Variants in GUCY1A2 observed in about 807,000 individuals in gnomAD.
The protein encoded by GUCY1A2 is guanylate cyclase 1 soluble subunit alpha 2, also known as guanylate cyclase soluble subunit alpha-2.
GUCY1A2 carries 27 observed loss-of-function variants against 63.5 expected under a neutral mutation model. The observed-to-expected ratio is 0.43, with a 90% confidence interval of 0.31 to 0.59. The LOEUF (loss-of-function observed/expected upper bound fraction) is 0.59, where lower values mean the gene tolerates loss of function less well. Among genes scored for constraint, GUCY1A2 ranks in the 20% least tolerant of loss-of-function variants. GUCY1A2 has a pLI of 0.11. For synonymous variants in GUCY1A2, 364 were observed against 343.5 expected, an observed-to-expected ratio of 1.06 and a Z score of -0.66; for missense variants, 768 against 913.3, an observed-to-expected ratio of 0.84 and a Z score of 2.05.
chr11:106,894,207 G>C (rs1439279399), intron 4 of GUCY1A2, among the ~76,000 whole-genome samples: 3 of 152,128 alleles, frequency 2.0e-5, no homozygotes, highest in Non-Finnish European at 4.4e-5. Context: ...GGGATGAAGA[G>C]GGTCATTACA....
intron 1 of GUCY1A2, among the ~76,000 whole-genome samples, chr11:106,991,153 CT>C (rs57771903): frequency 0.16 from 22,841 of 146,752 alleles, 2,052 homozygotes; most frequent in South Asian, 0.26. Flanking sequence ...CCATGCCCGG[CT>C]TTTTTTTTTT....
chr11:106,747,896 A>G (rs1863817875), intron 6 of GUCY1A2, among the ~76,000 whole-genome samples: 1 of 152,140 alleles, frequency 6.6e-6, no homozygotes, highest in South Asian at 2.1e-4. Context: ...TTACTTGTTC[A>G]CTTACTCTTT....
Position 106,683,060 on chromosome 11 carries a change from A to G in GUCY1A2, c.*4489T>C, listed in dbSNP as rs1862458154. On this transcript the variant is annotated 3_prime_UTR_variant, in exon 8 of 8. Transcript: ENST00000526355. ...AATTTTGTTCAATCACATGAACACA[A>G]TTTATGTGTATGTTAAACCAGCTGG... 1 of 217,656 alleles carries G rather than the reference A, an allele frequency of 4.6e-6. No homozygotes were observed. Among genetic ancestry groups the G allele is most frequent in the African/African-American group, 2.2e-5 (1 of 44,480 alleles). The allele number at this position is 217,656 out of a possible 1,614,324, so 13.5% of individuals were successfully genotyped here.
chr11:106,908,692 T>C (rs911751982), intron 4 of GUCY1A2, among the ~76,000 whole-genome samples: 1 of 151,952 alleles, frequency 6.6e-6, no homozygotes, highest in African/African-American at 2.4e-5. Context: ...CTTTTTGTAA[T>C]AAAATAAAAG....
chr11:106,862,099 T>G (rs576733006), intron 4 of GUCY1A2, among the ~76,000 whole-genome samples: 1 of 152,158 alleles, frequency 6.6e-6, no homozygotes, highest in Admixed American at 6.6e-5. Flanking sequence ...ATGCAACACA[T>G]AGCATCTATT....
At chr11:106,779,512 T>G (rs1053031068) in intron 5 of GUCY1A2, among the ~76,000 whole-genome samples, 1 of 152,202 alleles carries the variant, frequency 6.6e-6, no homozygotes, top group African/African-American at 2.4e-5. Flanking sequence ...GGTAGTCAGA[T>G]ATCAGAACAT....
At chr11:106,806,524 T>A (rs1361137881) in intron 5 of GUCY1A2, among the ~76,000 whole-genome samples, 1 of 152,210 alleles carries the variant, frequency 6.6e-6, no homozygotes, top group Non-Finnish European at 1.5e-5. Context: ...CCATTATTAT[T>A]GTTACTATTT....
Position 106,687,289 on chromosome 11 carries a change from T to A in GUCY1A2, c.*260A>T, listed in dbSNP as rs1862542620. Reference sequence around the variant, plus strand: ...GTTAGTTCTGAAAGGGGACCCACACTTGTAATTAAAATATATGTGTATATA... The same window carrying A: ...GTTAGTTCTGAAAGGGGACCCACACATGTAATTAAAATATATGTGTATATA... On this transcript the variant is annotated 3_prime_UTR_variant, in exon 8 of 8. Transcript: ENST00000526355. 1 of 395,350 alleles carries A rather than the reference T, an allele frequency of 2.5e-6. No individual in the cohort carries two copies. The highest frequency in any genetic ancestry group is 4.5e-6 in the Non-Finnish European group (1 of 220,432). The allele number at this position is 395,350 out of a possible 1,614,324, so 24.5% of individuals were successfully genotyped here.
intron 3 of GUCY1A2, among the ~76,000 whole-genome samples, chr11:106,973,225 T>A (rs1334067327): frequency 1.3e-5 from 2 of 152,118 alleles, no homozygotes; most frequent in Non-Finnish European, 2.9e-5. Flanking sequence ...ACACAGCCTT[T>A]TTGCAGGTTT....
At position 106,850,986 on chromosome 11, in the gene GUCY1A2, C is replaced by T. The variant is rs988283341; in HGVS notation, c.1207-40508G>A. 1.3e-5 allele frequency among the ~76,000 whole-genome samples: 2 copies of T among 151,896 alleles called. 1 individual carries two copies. Among genetic ancestry groups the T allele is most frequent in the Non-Finnish European group, 2.9e-5 (2 of 67,864 alleles). On this transcript the variant is annotated intron_variant, in intron 4 of 7. Transcript: ENST00000526355. ...GTGTATAGGAGTTTCCTTTTCTCTG[C>T]ATCTTTGCCAGCATTTGTTATTTTT...
intron 4 of GUCY1A2, among the ~76,000 whole-genome samples, chr11:106,893,421 C>A (rs766407464): frequency 4.0e-5 from 6 of 151,552 alleles, no homozygotes; most frequent in Non-Finnish European, 8.8e-5. Flanking sequence ...AATAAATAAT[C>A]CAATAAATTC....
At position 106,913,297 on chromosome 11, in the gene GUCY1A2, C is replaced by T. The variant is rs930283304; in HGVS notation, c.1206+26163G>A. On this transcript the variant is annotated intron_variant, in intron 4 of 7. Coordinates refer to ENST00000526355, the MANE Select transcript of GUCY1A2 (RefSeq NM_000855.3). ...TTGGCTCATGATTGTGCAAGCTGTA[C>T]ACAAAGCATGGCACCAGCATCAGCA... is the stretch of plus-strand genomic sequence containing the variant. 2.0e-5 allele frequency among the ~76,000 whole-genome samples: 3 copies of T among 152,106 alleles called. No individual in the cohort carries two copies. In the East Asian group the frequency reaches 5.8e-4, roughly 29 times the overall value.
At position 106,939,764 on chromosome 11, in the gene GUCY1A2, A is replaced by G. The variant is rs1186725605; in HGVS notation, c.902T>C (p.Ile301Thr). 8 of 1,613,906 alleles carry G rather than the reference A, an allele frequency of 5.0e-6. No individual in the cohort carries two copies. Among genetic ancestry groups the G allele is most frequent in the Middle Eastern group, 1.6e-4 (1 of 6,084 alleles). ...FLIKECENTN[I>T]MKNLPQGTSQ... ...GGTTCCCTGTGGAAGGTTCTTCATG[A>G]TATTAGTATTTTCACATTCTTTGAT... The change falls in exon 4 of 8, where the codon ATC (isoleucine) becomes ACC (threonine). Residue 301 changes from isoleucine (I) to threonine (T), a missense_variant. By Grantham distance (89) the Ile-to-Thr change is moderately conservative (BLOSUM62 -1). This residue lies in a region of GUCY1A2 where 496 missense variants were observed against 486.9 expected (regional missense o/e 1.02). Transcript: ENST00000526355.
intron 4 of GUCY1A2, among the ~76,000 whole-genome samples, chr11:106,879,113 T>A (rs1427761560): frequency 8.1e-6 from 1 of 123,650 alleles, no homozygotes. Flanking sequence ...CAGAACAGTC[T>A]TTTTTAGTGC....
At chr11:106,968,424 CA>C (rs1398150973) in intron 3 of GUCY1A2, among the ~76,000 whole-genome samples, 1 of 152,024 alleles carries the variant, frequency 6.6e-6, no homozygotes, top group Non-Finnish European at 1.5e-5. Context: ...GTATAAATAT[CA>C]AAATTAAAAT....
intron 3 of GUCY1A2, among the ~76,000 whole-genome samples, chr11:106,941,364 A>G (rs1455603): frequency 6.6e-6 from 1 of 152,044 alleles, no homozygotes; most frequent in South Asian, 2.1e-4. Context: ...TGAGGATGAT[A>G]TGAGGAAAAA....
intron 4 of GUCY1A2, among the ~76,000 whole-genome samples, chr11:106,881,666 C>A (rs1046523355): frequency 1.3e-4 from 20 of 151,836 alleles, no homozygotes; most frequent in African/African-American, 4.8e-4. Flanking sequence ...TCCTCTTCTC[C>A]CCAGAGGTAA....
chr11:106,851,234 T>C (rs1303051023), intron 4 of GUCY1A2, among the ~76,000 whole-genome samples: 1 of 151,890 alleles, frequency 6.6e-6, no homozygotes, highest in African/African-American at 2.4e-5. Context: ...CTGAGTTCCT[T>C]GTATAGTCTG....
Position 106,940,191 on chromosome 11 carries a change from G to A in GUCY1A2, c.488-13C>T, listed in dbSNP as rs766238866. 2.4e-6 allele frequency: 3 copies of A among 1,254,744 alleles called. No homozygotes were observed. The highest frequency in any genetic ancestry group is 2.3e-5 in the East Asian group (1 of 43,100). 77.7% of individuals were successfully genotyped at this position (1,254,744 alleles called of 1,614,324 possible). The stretch of plus-strand genomic sequence containing the variant: ...TCAAACTTCAAACCTAGAGGTAAAT[G>A]GGAAGCAAATGTTAGTGAAGTCTAA... On this transcript the variant is annotated splice_polypyrimidine_tract_variant and intron_variant, in intron 3 of 7. Coordinates refer to ENST00000526355, the MANE Select transcript of GUCY1A2 (RefSeq NM_000855.3).
Sources: allele counts gnomAD v4.1 joint callset (sites outside exome capture counted in the v4.1 genomes callset), GRCh38; gene constraint gnomAD v4.1.1; regional missense constraint gnomAD v4.1.1; transcripts MANE v1.5; gene names NCBI Gene and HGNC (gene_info 2026-07-23, HGNC 2026-07-21).